The following PRR16 variants were observed in gnomAD, a reference collection of about 807,000 sequenced individuals.
PRR16 encodes proline rich 16.
Under a neutral mutation model 18.2 loss-of-function variants are expected in PRR16, and 6 were observed. The ratio of observed to expected loss-of-function variants is 0.33; its 90% confidence interval spans 0.18 to 0.65. The LOEUF is 0.65. Ranked by LOEUF, PRR16 falls within the 30% of genes least tolerant of loss-of-function variation. PRR16 has a pLI of 0.74. For synonymous variants in PRR16, 151 were observed against 147.8 expected (o/e 1.02, Z -0.16); for missense variants, 412 against 376.6 (o/e 1.09, Z -0.78).
At chr5:120,698,112 G>T in the PRR16 span, among the ~76,000 whole-genome samples, 1,534 of 152,180 alleles carry the variant, frequency 0.01, 14 homozygotes, top group Non-Finnish European at 0.014. Flanking sequence ...ACTTTTTGGG[G>T]GTGGTATGGA....
At chr5:120,669,109 CT>C (rs1307295378) in intron 1 of PRR16, among the ~76,000 whole-genome samples, 3 of 152,110 alleles carry the variant, frequency 2.0e-5, no homozygotes, top group African/African-American at 7.2e-5. Flanking sequence ...GACACTGAGT[CT>C]TTTAAGCAAA....
chr5:120,748,841 C>T, the PRR16 span, among the ~76,000 whole-genome samples: 615 of 152,046 alleles, frequency 4.0e-3, 1 homozygote, highest in African/African-American at 0.014. Flanking sequence ...ACTATGAGAG[C>T]GTGCAGCAAT....
chr5:120,482,783 C>T (rs1749661914), intron 1 of PRR16, among the ~76,000 whole-genome samples: 1 of 152,108 alleles, frequency 6.6e-6, no homozygotes, highest in Non-Finnish European at 1.5e-5. Context: ...TTATTTTACC[C>T]TGTTAGCTTA....
chr5:120,668,641 A>G (rs865850167), intron 1 of PRR16, among the ~76,000 whole-genome samples: 3 of 151,880 alleles, frequency 2.0e-5, no homozygotes, highest in South Asian at 2.1e-4. Context: ...TTCTTTTAGC[A>G]CAGGCCTGGT....
chr5:120,722,893 A>T, the PRR16 span, among the ~76,000 whole-genome samples: 1 of 151,450 alleles, frequency 6.6e-6, no homozygotes, highest in Non-Finnish European at 1.5e-5. Flanking sequence ...ACATATATAT[A>T]ATATATATAT....
chr5:120,673,566 T>C (rs1471941657), intron 1 of PRR16, among the ~76,000 whole-genome samples: 2 of 152,330 alleles, frequency 1.3e-5, no homozygotes, highest in East Asian at 3.9e-4. Flanking sequence ...AAATCTTATC[T>C]AGAGTGGAAT....
chr5:120,758,452 G>A, the PRR16 span, among the ~76,000 whole-genome samples: 9 of 152,224 alleles, frequency 5.9e-5, no homozygotes, highest in East Asian at 1.7e-3. Flanking sequence ...AAAAATGAAA[G>A]CTTTGTTTTT....
At chr5:120,746,103 T>C in the PRR16 span, among the ~76,000 whole-genome samples, 1 of 150,882 alleles carries the variant, frequency 6.6e-6, no homozygotes, top group Non-Finnish European at 1.5e-5. Flanking sequence ...GTATTTAGAT[T>C]TGTTCAATTT....
intron 1 of PRR16, among the ~76,000 whole-genome samples, chr5:120,516,952 C>A (rs543324268): frequency 4.6e-5 from 7 of 152,132 alleles, no homozygotes; most frequent in Admixed American, 1.3e-4. Flanking sequence ...GAACATCCTG[C>A]TGGGTTTGTA....
chr5:120,694,310 T>G, the PRR16 span, among the ~76,000 whole-genome samples: 1 of 152,244 alleles, frequency 6.6e-6, no homozygotes. Context: ...AATAATTCTC[T>G]TAGAACCTTA....
chr5:120,504,037 A>G (rs779390951), intron 1 of PRR16, among the ~76,000 whole-genome samples: 41 of 150,112 alleles, frequency 2.7e-4, no homozygotes, highest in Non-Finnish European at 7.4e-5. Context: ...CTTTTCTTTT[A>G]TTATTATATA....
intron 1 of PRR16, among the ~76,000 whole-genome samples, chr5:120,587,701 A>G (rs922446634): frequency 2.0e-5 from 3 of 152,202 alleles, no homozygotes; most frequent in Non-Finnish European, 4.4e-5. Flanking sequence ...GCACCTGGTC[A>G]ACTAAGAACT....
At chr5:120,497,235 TTACTTCTTCTG>T (rs1750277805) in intron 1 of PRR16, among the ~76,000 whole-genome samples, 1 of 152,132 alleles carries the variant, frequency 6.6e-6, no homozygotes, top group African/African-American at 2.4e-5. Flanking sequence ...ATGGTACTGT[TTACTTCTTCTG>T]TATCCTTGCT....
At chr5:120,761,308 A>T in the PRR16 span, among the ~76,000 whole-genome samples, 1 of 152,048 alleles carries the variant, frequency 6.6e-6, no homozygotes, top group Non-Finnish European at 1.5e-5. Flanking sequence ...TACATCCCCA[A>T]GGTGTAGTTT....
intron 1 of PRR16, among the ~76,000 whole-genome samples, chr5:120,642,514 A>G (rs72794330): frequency 2.0e-5 from 3 of 152,116 alleles, no homozygotes; most frequent in Non-Finnish European, 2.9e-5. Context: ...TGATCTGTAT[A>G]AAAAAATGTA....
intron 1 of PRR16, among the ~76,000 whole-genome samples, chr5:120,501,749 G>T (rs985802595): frequency 6.6e-6 from 1 of 151,792 alleles, no homozygotes; most frequent in Non-Finnish European, 1.5e-5. Flanking sequence ...AAGGTCAGGA[G>T]ACTGAGACCA....
intron 1 of PRR16, among the ~76,000 whole-genome samples, chr5:120,470,786 G>C (rs1033755324): frequency 2.6e-5 from 4 of 152,112 alleles, no homozygotes; most frequent in Non-Finnish European, 4.4e-5. Flanking sequence ...AGAAATCTGA[G>C]GTCCGAGATA....
intron 1 of PRR16, among the ~76,000 whole-genome samples, chr5:120,527,887 A>G (rs1237719963): frequency 2.0e-5 from 3 of 152,218 alleles, no homozygotes; most frequent in Non-Finnish European, 4.4e-5. Context: ...AATTGACAAT[A>G]AGAATGGAAA....
At chr5:120,599,705 C>T (rs879039966) in intron 1 of PRR16, among the ~76,000 whole-genome samples, 2 of 151,858 alleles carry the variant, frequency 1.3e-5, no homozygotes, top group Non-Finnish European at 2.9e-5. Flanking sequence ...TTTTCTCACT[C>T]ACTGTTTACC....
Sources: allele counts gnomAD v4.1 joint callset (sites outside exome capture counted in the v4.1 genomes callset), GRCh38; gene constraint gnomAD v4.1.1; transcripts MANE v1.5; gene names NCBI Gene and HGNC (gene_info 2026-07-23, HGNC 2026-07-21).